RPTOR: variants seen among roughly 807,000 people sequenced by gnomAD.
RPTOR encodes the protein regulatory-associated protein of mTOR.
RPTOR carries 21 observed loss-of-function variants against 169.9 expected under a neutral mutation model. The ratio of observed to expected loss-of-function variants is 0.12; its 90% CI spans 0.09 to 0.18. RPTOR has a LOEUF of 0.18. Among genes scored for constraint, RPTOR ranks in the 10% least tolerant of loss-of-function variants. RPTOR has a pLI of 1.00. For missense variants in RPTOR, 1,133 were observed against 1,855.9 expected, an observed-to-expected ratio of 0.61 and a Z score of 7.16; for synonymous variants, 732 against 753.2, an observed-to-expected ratio of 0.97 and a Z score of 0.46.
At chr17:80,905,529 G>A (rs1244774223) in intron 20 of RPTOR, among the ~76,000 whole-genome samples, 1 of 151,592 alleles carries the variant, frequency 6.6e-6, no homozygotes, top group Non-Finnish European at 1.5e-5. Flanking sequence ...CCAGGAGGCA[G>A]AGCTTGCAGT....
chr17:80,584,363 A>C (rs1466913209), intron 1 of RPTOR, among the ~76,000 whole-genome samples: 1 of 152,118 alleles, frequency 6.6e-6, no homozygotes, highest in Non-Finnish European at 1.5e-5. Context: ...AAAAAAATGA[A>C]AAAATAATAA....
chr17:80,641,954 A>G (rs1173665200), intron 2 of RPTOR, among the ~76,000 whole-genome samples: 4 of 152,190 alleles, frequency 2.6e-5, no homozygotes, highest in Non-Finnish European at 5.9e-5. Context: ...TTTTACCCCC[A>G]ACAGACAGAC....
At chr17:80,712,633 G>A (rs1478459770) in intron 4 of RPTOR, among the ~76,000 whole-genome samples, 2 of 152,204 alleles carry the variant, frequency 1.3e-5, no homozygotes, top group African/African-American at 4.8e-5. Context: ...TTATTAACGT[G>A]TGCAAATTTT....
intron 24 of RPTOR, among the ~76,000 whole-genome samples, chr17:80,932,026 C>G (rs546876193): frequency 3.3e-5 from 5 of 152,128 alleles, no homozygotes; most frequent in South Asian, 2.1e-4. Flanking sequence ...GAATCCGAAG[C>G]TGGCCACATG....
intron 6 of RPTOR, chr17:80,773,779 G>C: frequency 1.0e-6 from 1 of 985,446 alleles, no homozygotes; most frequent in Non-Finnish European, 1.2e-6. Flanking sequence ...GGGACGTGTA[G>C]TCACTGTGGC....
chr17:80,700,892 A>G (rs1452757595), intron 3 of RPTOR, among the ~76,000 whole-genome samples: 2 of 151,230 alleles, frequency 1.3e-5, no homozygotes, highest in Non-Finnish European at 2.9e-5. Context: ...TGACCTGGGT[A>G]TTGATAGCAC....
chr17:80,881,009 AT>A (rs1168470279), intron 14 of RPTOR, among the ~76,000 whole-genome samples: 2 of 152,232 alleles, frequency 1.3e-5, no homozygotes, highest in Non-Finnish European at 2.9e-5. Flanking sequence ...TTAGTAATCC[AT>A]GAATAGGGTG....
intron 28 of RPTOR, among the ~76,000 whole-genome samples, chr17:80,955,542 AG>A (rs1395933823): frequency 6.6e-6 from 1 of 152,276 alleles, no homozygotes. Flanking sequence ...AGACATCAAT[AG>A]GTTTGACTCT....
chr17:80,730,445 G>GCAGA lies in RPTOR; in HGVS notation c.508-114_508-113insAGAC, dbSNP rs1213250283. 2.5e-6 allele frequency: 3 copies of GCAGA among 1,178,546 alleles called. No homozygotes were observed. Among genetic ancestry groups the GCAGA allele is most frequent in the Non-Finnish European group, 3.7e-6 (3 of 814,776 alleles). The allele number at this position is 1,178,546 out of a possible 1,614,324, so 73.0% of individuals were successfully genotyped here. A position where few individuals can be genotyped will look rare whatever the true frequency, so the allele number is the denominator to read the frequency against. Reference sequence around the variant, plus strand: ...ATAGTTTTGTATAAAGGCTAACTCAGCGTCTCTCCAGCCACCAGGCTCAAT... The same window carrying GCAGA: ...ATAGTTTTGTATAAAGGCTAACTCAGCAGACGTCTCTCCAGCCACCAGGCTCAAT... On this transcript the variant is annotated intron_variant, in intron 4 of 33. Transcript: ENST00000306801. The surrounding 1 kb of genome is among the most constrained non-coding windows in gnomAD (Gnocchi z 4.2).
chr17:80,696,195 T>C (rs1353095365), intron 3 of RPTOR, among the ~76,000 whole-genome samples: 3 of 152,100 alleles, frequency 2.0e-5, no homozygotes, highest in Non-Finnish European at 2.9e-5. Flanking sequence ...TTTTGTTTTG[T>C]TTTTTCATTA....
intron 20 of RPTOR, among the ~76,000 whole-genome samples, chr17:80,899,673 G>C (rs4969298): frequency 6.6e-6 from 1 of 152,126 alleles, no homozygotes; most frequent in Admixed American, 6.5e-5. Context: ...AACACTGCCA[G>C]TGTGGTGCAA....
rs2066278529 is a variant in RPTOR, at chr17:80,720,769, C to CTGTGGATAG, written c.508-9791_508-9790insTGTGGATAG. On this transcript the variant is annotated intron_variant, in intron 4 of 33. Transcript: ENST00000306801. Reference sequence around the variant, plus strand: ...ACGGAGCCACAGACTGCCAGGCCCTCCCTGAGCCTCTGCTTCTGTGGCCGT... The same window carrying CTGTGGATAG: ...ACGGAGCCACAGACTGCCAGGCCCTCTGTGGATAGCCTGAGCCTCTGCTTCTGTGGCCGT... Among the ~76,000 whole-genome samples, 599 of 151,888 alleles carry CTGTGGATAG rather than the reference C, an allele frequency of 3.9e-3. 21 individuals are homozygous for CTGTGGATAG. Among genetic ancestry groups the CTGTGGATAG allele is most frequent in the African/African-American group, 0.013 (544 of 41,180 alleles).
intron 1 of RPTOR, among the ~76,000 whole-genome samples, chr17:80,579,658 C>T (rs926532958): frequency 7.2e-5 from 11 of 152,230 alleles, no homozygotes; most frequent in Admixed American, 7.2e-4. Flanking sequence ...GCCTGCTGGC[C>T]TTGCCCAAGG....
intron 1 of RPTOR, among the ~76,000 whole-genome samples, chr17:80,622,167 C>T (rs2065359577): frequency 6.6e-6 from 1 of 152,196 alleles, no homozygotes; most frequent in African/African-American, 2.4e-5. Flanking sequence ...TAGGCAAAGC[C>T]AGCCTCTTCC....
intron 13 of RPTOR, among the ~76,000 whole-genome samples, chr17:80,863,650 C>T (rs1458960678): frequency 6.6e-6 from 1 of 152,240 alleles, no homozygotes; most frequent in Non-Finnish European, 1.5e-5. Flanking sequence ...GCACGGGGCT[C>T]ACGTCTGTAA....
At chr17:80,680,029 A>T (rs1245701406) in intron 3 of RPTOR, among the ~76,000 whole-genome samples, 1 of 151,962 alleles carries the variant, frequency 6.6e-6, no homozygotes, top group Non-Finnish European at 1.5e-5. Flanking sequence ...CCTGGAGAGG[A>T]ACCTCCAGTT....
At chr17:80,615,322 G>A (rs938893472) in intron 1 of RPTOR, among the ~76,000 whole-genome samples, 2 of 152,100 alleles carry the variant, frequency 1.3e-5, no homozygotes, top group African/African-American at 2.4e-5. Flanking sequence ...CGGGGGCCTC[G>A]AGTCTCAGGG....
chr17:80,753,245 G>C (rs564412604), intron 5 of RPTOR, among the ~76,000 whole-genome samples: 58 of 152,272 alleles, frequency 3.8e-4, no homozygotes, highest in Middle Eastern at 6.8e-3. Flanking sequence ...CACATTTTGT[G>C]GTTTGCCTTT....
At chr17:80,916,406 G>T (rs1490160823) in intron 21 of RPTOR, among the ~76,000 whole-genome samples, 2 of 152,238 alleles carry the variant, frequency 1.3e-5, no homozygotes, top group Non-Finnish European at 2.9e-5. Flanking sequence ...GCCTAGAGCT[G>T]CCCACCCCCC....
Sources: allele counts gnomAD v4.1 joint callset (sites outside exome capture counted in the v4.1 genomes callset), GRCh38; gene constraint gnomAD v4.1.1; non-coding constraint Gnocchi (gnomAD v3.1); transcripts MANE v1.5; gene names NCBI Gene and HGNC (gene_info 2026-07-23, HGNC 2026-07-21).